The following WDR12 variants were observed in gnomAD, a reference collection of about 807,000 sequenced individuals.
WDR12 encodes WD repeat domain 12, also known as ribosome biogenesis protein WDR12.
In WDR12, 42 loss-of-function variants were observed where a neutral mutation model predicts 64.3. That is an observed-to-expected ratio of 0.65 (90% CI 0.51 to 0.84). WDR12 has a LOEUF of 0.84. Among genes scored for constraint, WDR12 ranks in the 40% least tolerant of loss-of-function variants. The pLI, the probability that WDR12 is intolerant of heterozygous loss-of-function variation, is 0.00. For synonymous variants in WDR12, 158 were observed against 173.3 expected (o/e 0.91, Z 0.70); for missense variants, 469 against 494.6 (o/e 0.95, Z 0.49).
In WDR12 at chr2:202,911,639, TCTC is replaced by T; in HGVS notation, c.-166_-164del. ...CTGGACTCTGCCTTCTGCCCTCCGG[TCTC>T]CTCTGCAGAAAGCACGAGGTTGCCC... is the stretch of plus-strand genomic sequence containing the variant. On this transcript the variant is annotated 5_prime_UTR_variant, in exon 1 of 13. Coordinates refer to ENST00000261015, the MANE Select transcript of WDR12 (RefSeq NM_018256.4). 1 of 679,270 alleles carries T rather than the reference TCTC, an allele frequency of 1.5e-6. No individual in the cohort carries two copies. Among genetic ancestry groups the T allele is most frequent in the South Asian group, 1.7e-5 (1 of 59,424 alleles). 42.1% of individuals were successfully genotyped at this position (679,270 alleles called of 1,614,324 possible). A position where few individuals can be genotyped will look rare whatever the true frequency, so the allele number is the denominator to read the frequency against.
intron 12 of WDR12, among the ~76,000 whole-genome samples, chr2:202,882,356 A>G (rs1687964538): frequency 6.6e-6 from 1 of 150,896 alleles, no homozygotes; most frequent in African/African-American, 2.4e-5. Flanking sequence ...TTTTCTTGAG[A>G]TGGAGTCTAT....
At chr2:202,897,902 A>AT (rs1258653444) in intron 4 of WDR12, among the ~76,000 whole-genome samples, 812 of 40,140 alleles carry the variant, frequency 0.02, 4 homozygotes, top group African/African-American at 0.035. Context: ...AAAAAAAAAA[A>AT]AAAAAAATAT....
rs192808669 is a variant in WDR12 at position 202,901,280 on chromosome 2, T to C, written c.137-161A>G. ...GAAATACTTTGTTCTGTTAGTATAA[T>C]GTCTTTTTACTGTTGTTGGTGTAAT... On this transcript the variant is annotated intron_variant, in intron 2 of 12. Transcript: ENST00000261015. Among the ~76,000 whole-genome samples, 5 of 152,342 alleles carry C rather than the reference T, an allele frequency of 3.3e-5. No individual in the cohort carries two copies. In the East Asian group the frequency reaches 9.6e-4, roughly 29 times the overall value.
At chr2:202,896,320 A>C in intron 5 of WDR12, 101 bp from the exon 6 acceptor site, 2 of 1,284,392 alleles carry the variant, frequency 1.6e-6, no homozygotes, top group South Asian at 3.2e-5. Flanking sequence ...TTGTTATTGA[A>C]AAAGATGTTA....
intron 1 of WDR12, 77 bp downstream of exon 1, chr2:202,911,359 G>A (rs1163914390): frequency 7.1e-7 from 1 of 1,415,230 alleles, no homozygotes; most frequent in Non-Finnish European, 1.0e-6. Flanking sequence ...AAACAACCAG[G>A]GATCCACAAG....
rs1022244378 is a variant in WDR12 at position 202,877,310 on chromosome 2, T to C, written c.*3550A>G. 2.6e-5 allele frequency: 4 copies of C among 152,060 alleles called. No homozygotes were observed. Among genetic ancestry groups the C allele is most frequent in the Non-Finnish European group, 5.9e-5 (4 of 68,016 alleles). The allele number at this position is 152,060 out of a possible 1,614,324, so 9.4% of individuals were successfully genotyped here. ...ATCATCTTCTCATAGAAAAGCTATG[T>C]TTTTCTACAAAGGCCCCACTATGCC... On this transcript the variant is annotated 3_prime_UTR_variant, in exon 13 of 13. Coordinates refer to ENST00000261015, the MANE Select transcript of WDR12 (RefSeq NM_018256.4).
In WDR12 at chr2:202,884,533, A is replaced by G; in HGVS notation, c.744T>C (p.Thr248=). 6.2e-7 allele frequency: 1 copy of G among 1,603,484 alleles called. No individual in the cohort carries two copies. The highest frequency in any genetic ancestry group is 1.8e-5 in the Admixed American group (1 of 56,434). ...QKTEQLGLTR[T]PIVTLSGHME... is the part of the protein sequence containing the mutation. ...TGTGGCCAGAGAGGGTCACTATGGG[A>G]GTCTAGAAAGGAAGAACCCCAAAAG... The change falls in exon 9 of 13, where the codon ACT becomes ACC. Residue 248 remains threonine, a splice_region_variant and synonymous_variant. Coordinates refer to ENST00000261015, the MANE Select transcript of WDR12 (RefSeq NM_018256.4).
rs1026992729 is a variant in WDR12, at chr2:202,876,079, T to G, written c.*4781A>C. 6.6e-6 allele frequency: 1 copy of G among 152,206 alleles called. No individual in the cohort carries two copies. Among genetic ancestry groups the G allele is most frequent in the African/African-American group, 2.4e-5 (1 of 41,452 alleles). 9.4% of individuals were successfully genotyped at this position (152,206 alleles called of 1,614,324 possible). ...TAACCAGCCAAAAACGTTTCTCTCC[T>G]AAGTTATAATAAAGATATATTTGGT... On this transcript the variant is annotated 3_prime_UTR_variant, in exon 13 of 13. Coordinates refer to ENST00000261015, the MANE Select transcript of WDR12 (RefSeq NM_018256.4).
chr2:202,877,638 T>C lies in WDR12; in HGVS notation c.*3222A>G, dbSNP rs996533452. 1 of 152,266 alleles carries C rather than the reference T, an allele frequency of 6.6e-6. No individual in the cohort carries two copies. Among genetic ancestry groups the C allele is most frequent in the Non-Finnish European group, 1.5e-5 (1 of 68,100 alleles). The allele number at this position is 152,266 out of a possible 1,614,324, so 9.4% of individuals were successfully genotyped here. A position where few individuals can be genotyped will look rare whatever the true frequency, so the allele number is the denominator to read the frequency against. ...AAGATTACACCATTGTACTCCAGTA[T>C]GGGTGACATAGTGAGACCCTGTCTT... On this transcript the variant is annotated 3_prime_UTR_variant, in exon 13 of 13. Coordinates refer to ENST00000261015, the MANE Select transcript of WDR12 (RefSeq NM_018256.4).
At position 202,901,034 on chromosome 2, in the gene WDR12, G is replaced by T; in HGVS notation, c.222C>A (p.Asn74Lys). ...AAGAATTTGAACTTACTGATGAGAT[G>T]TTCTCCATTTCCATGTGTTTGTCCA... Reference protein sequence around the residue: ...MPLDKHMEMENISSEEVVEIE... With the variant: ...MPLDKHMEMEKISSEEVVEIE... Residue 74 changes from asparagine (N) to lysine (K), a missense_variant, in exon 3 of 13, where the codon AAC becomes AAA. Transcript: ENST00000261015. The T allele has an allele frequency of 6.3e-7, 1 of 1,587,378 alleles. No individual in the cohort carries two copies.
rs1687888963 is a variant in WDR12, at chr2:202,877,809, C to T, written c.*3051G>A. Reference sequence around the variant, plus strand: ...GTCAGGTTCCTAGCTTTTCCCCAACCACGGGAAAGCAGCACCACTCATTTA... The same window carrying T: ...GTCAGGTTCCTAGCTTTTCCCCAACTACGGGAAAGCAGCACCACTCATTTA... On this transcript the variant is annotated 3_prime_UTR_variant, in exon 13 of 13. Transcript: ENST00000261015. 6.6e-6 allele frequency: 1 copy of T among 152,248 alleles called. No homozygotes were observed. Among genetic ancestry groups the T allele is most frequent in the Admixed American group, 6.5e-5 (1 of 15,280 alleles). The allele number at this position is 152,248 out of a possible 1,614,324, so 9.4% of individuals were successfully genotyped here. A position where few individuals can be genotyped will look rare whatever the true frequency, so the allele number is the denominator to read the frequency against.
At chr2:202,897,033 A>C (rs1423923554) in intron 5 of WDR12, among the ~76,000 whole-genome samples, 1 of 152,164 alleles carries the variant, frequency 6.6e-6, no homozygotes, top group Non-Finnish European at 1.5e-5. Context: ...CAAAAACAGA[A>C]GAAAATAAAA....
At chr2:202,905,877 T>C (rs1688448283) in intron 2 of WDR12, among the ~76,000 whole-genome samples, 1 of 151,848 alleles carries the variant, frequency 6.6e-6, no homozygotes, top group African/African-American at 2.4e-5. Flanking sequence ...CTGAGAAGGG[T>C]AGTGGGGGAA....
chr2:202,903,917 C>T (rs1346011526), intron 2 of WDR12, among the ~76,000 whole-genome samples: 1 of 151,912 alleles, frequency 6.6e-6, no homozygotes, highest in Non-Finnish European at 1.5e-5. Context: ...ACGGGTGGAT[C>T]ACCTGAGGTC....
intron 2 of WDR12, among the ~76,000 whole-genome samples, chr2:202,903,163 T>C (rs940331377): frequency 6.6e-6 from 1 of 152,154 alleles, no homozygotes; most frequent in African/African-American, 2.4e-5. Context: ...CCCTAATATA[T>C]ACATCATATC....
rs1574398445 is a variant in WDR12, at chr2:202,874,291, G to T, written c.*6569C>A. On this transcript the variant is annotated 3_prime_UTR_variant, in exon 13 of 13. Transcript: ENST00000261015. ...AATTTCATTTAGAAGTACATTTACT[G>T]AACTGTTATTTAACTTTCTATCCTT... Among the ~76,000 whole-genome samples the T allele has an allele frequency of 1.3e-5, 2 of 152,158 alleles. No homozygotes were observed. The highest frequency in any genetic ancestry group is 3.9e-4 in the East Asian group (2 of 5,178).
intron 8 of WDR12, among the ~76,000 whole-genome samples, chr2:202,890,892 G>A (rs1002319347): frequency 9.9e-5 from 15 of 151,610 alleles, no homozygotes; most frequent in African/African-American, 3.6e-4. Context: ...ACTTTGGGAG[G>A]TGGAGGTGGG....
intron 1 of WDR12, 89 bp from the exon 2 acceptor site, chr2:202,908,048 A>G: frequency 7.6e-6 from 9 of 1,184,118 alleles, no homozygotes; most frequent in Non-Finnish European, 9.9e-6. Flanking sequence ...TTATTGGGTA[A>G]ATAAATGCCA....
chr2:202,897,867 T>G (rs1238188740), intron 4 of WDR12, among the ~76,000 whole-genome samples: 1 of 114,880 alleles, frequency 8.7e-6, no homozygotes, highest in Non-Finnish European at 1.7e-5. Context: ...CCAGCCTGGG[T>G]GACAGAGCGA....
Sources: allele counts gnomAD v4.1 joint callset (sites outside exome capture counted in the v4.1 genomes callset), GRCh38; gene constraint gnomAD v4.1.1; transcripts MANE v1.5; gene names NCBI Gene and HGNC (gene_info 2026-07-23, HGNC 2026-07-21).